SYN3: variants seen among roughly 807,000 people sequenced by gnomAD.
SYN3 encodes synapsin III.
SYN3 carries 35 observed loss-of-function variants against 65.8 expected under a neutral mutation model. That is an observed-to-expected ratio of 0.53 (90% CI 0.41 to 0.70). The LOEUF is 0.70. Ranked by LOEUF, SYN3 falls within the 30% of genes least tolerant of loss-of-function variation. The pLI is 0.00. For synonymous variants in SYN3, 270 were observed against 292.9 expected (o/e 0.92, Z 0.80); for missense variants, 680 against 749.0 (o/e 0.91, Z 1.08).
At chr22:32,991,260 C>G (rs953974429) in intron 2 of SYN3, among the ~76,000 whole-genome samples, 2 of 151,232 alleles carry the variant, frequency 1.3e-5, no homozygotes, top group African/African-American at 4.9e-5. Context: ...ATAGCTTGAA[C>G]TCGGGAGGCG....
intron 12 of SYN3, among the ~76,000 whole-genome samples, chr22:32,523,314 C>T (rs1326894894): frequency 6.6e-6 from 1 of 152,142 alleles, no homozygotes; most frequent in Non-Finnish European, 1.5e-5. Flanking sequence ...AGATCGAGAC[C>T]ATCATGGCCA....
Position 32,652,250 on chromosome 22 carries a change from T to A in SYN3, c.712-55514A>T, listed in dbSNP as rs116904707. On this transcript the variant is annotated intron_variant, in intron 6 of 13. Transcript: ENST00000358763. ...TCAATTTAGAACAGCCGGCCAGATT[T>A]CACCATGGCCCAGGAACAGAACTCG... is the stretch of plus-strand genomic sequence containing the variant. Among the ~76,000 whole-genome samples the A allele has an allele frequency of 2.1e-3, 316 of 152,256 alleles. 5 individuals are homozygous for A. The East Asian group carries it at 0.037, about 18-fold the overall frequency.
At chr22:32,794,564 T>G (rs928567602) in intron 6 of SYN3, among the ~76,000 whole-genome samples, 1 of 152,216 alleles carries the variant, frequency 6.6e-6, no homozygotes, top group African/African-American at 2.4e-5. Context: ...CTTTAATATT[T>G]GTTCAATGTC....
intron 6 of SYN3, among the ~76,000 whole-genome samples, chr22:32,687,367 T>C (rs2060605243): frequency 1.3e-5 from 2 of 151,506 alleles, no homozygotes. Context: ...TTTCACCATG[T>C]TCGCCAGGCT....
intron 7 of SYN3, among the ~76,000 whole-genome samples, chr22:32,578,557 T>C (rs936119895): frequency 6.6e-6 from 1 of 152,204 alleles, no homozygotes; most frequent in African/African-American, 2.4e-5. Context: ...GTCAAGCCAA[T>C]ATTTTTCAAA....
chr22:33,001,154 C>T (rs1270514099), intron 2 of SYN3, among the ~76,000 whole-genome samples: 2 of 152,124 alleles, frequency 1.3e-5, no homozygotes, highest in East Asian at 1.9e-4. Context: ...CCCTTTTTCA[C>T]CCACTGAGGG....
Position 32,994,147 on chromosome 22 carries a change from G to A in SYN3, c.311+12205C>T, listed in dbSNP as rs150509013. On this transcript the variant is annotated intron_variant, in intron 2 of 13. Coordinates refer to ENST00000358763, the MANE Select transcript of SYN3 (RefSeq NM_003490.4). The stretch of plus-strand genomic sequence containing the variant: ...AAAAATTCCTCAAGTCAAAGGGCTC[G>A]GGGCTTGGGTGCCGCACAAGGCCCT... 1.4e-3 allele frequency among the ~76,000 whole-genome samples: 219 copies of A among 152,238 alleles called. 2 individuals carry two copies. Among genetic ancestry groups the A allele is most frequent in the African/African-American group, 5.1e-3 (211 of 41,542 alleles).
At chr22:32,528,255 C>T (rs1468704499) in intron 11 of SYN3, among the ~76,000 whole-genome samples, 1 of 152,116 alleles carries the variant, frequency 6.6e-6, no homozygotes, top group Non-Finnish European at 1.5e-5. Flanking sequence ...CCAGCAGCCC[C>T]GTCAGTATAA....
intron 3 of SYN3, among the ~76,000 whole-genome samples, chr22:32,946,430 A>G (rs2051113462): frequency 6.6e-6 from 1 of 152,084 alleles, no homozygotes; most frequent in Non-Finnish European, 1.5e-5. Context: ...TTCTCAGCAA[A>G]CTATCACAAG....
chr22:32,797,257 C>CA (rs1245893892), intron 6 of SYN3, among the ~76,000 whole-genome samples: 5 of 152,324 alleles, frequency 3.3e-5, no homozygotes, highest in Admixed American at 2.6e-4. Context: ...GTCGGTGGTG[C>CA]TGATCATTGG....
intron 7 of SYN3, among the ~76,000 whole-genome samples, chr22:32,576,931 C>T (rs1376943168): frequency 2.0e-5 from 3 of 151,976 alleles, no homozygotes; most frequent in Non-Finnish European, 2.9e-5. Flanking sequence ...AAGATAAAGC[C>T]TGTATTCTAG....
intron 4 of SYN3, among the ~76,000 whole-genome samples, chr22:32,888,287 A>G (rs2146457983): frequency 6.6e-6 from 1 of 152,338 alleles, no homozygotes; most frequent in Non-Finnish European, 1.5e-5. Context: ...ATAAAGTTAT[A>G]TGATTCCATA....
chr22:32,536,981 G>A (rs970288952), intron 9 of SYN3, among the ~76,000 whole-genome samples: 42 of 152,260 alleles, frequency 2.8e-4, no homozygotes, highest in Non-Finnish European at 3.1e-4. Context: ...TTAGCGCTCA[G>A]CACAACATGG....
intron 6 of SYN3, among the ~76,000 whole-genome samples, chr22:32,857,740 G>C (rs1404631409): frequency 1.3e-5 from 2 of 152,208 alleles, no homozygotes; most frequent in African/African-American, 4.8e-5. Flanking sequence ...TCATTATAAA[G>C]GGAGTGAAGA....
intron 1 of SYN3, chr22:33,015,358 C>A: frequency 1.8e-6 from 1 of 542,664 alleles, no homozygotes. Context: ...AAAGAACTTA[C>A]TGTACAGGGC....
chr22:32,769,307 A>T (rs2081657508), intron 6 of SYN3, among the ~76,000 whole-genome samples: 1 of 151,342 alleles, frequency 6.6e-6, no homozygotes, highest in African/African-American at 2.4e-5. Context: ...GTCATCAATG[A>T]CCTCCATGTT....
chr22:32,863,207 G>A (rs914077890), intron 6 of SYN3, among the ~76,000 whole-genome samples: 6 of 152,174 alleles, frequency 3.9e-5, no homozygotes, highest in African/African-American at 1.4e-4. Context: ...CTTGCAGAAG[G>A]AATCTTAGGA....
chr22:32,926,768 C>T (rs968524918), intron 4 of SYN3, among the ~76,000 whole-genome samples: 1 of 152,190 alleles, frequency 6.6e-6, no homozygotes, highest in Admixed American at 6.5e-5. Context: ...GGTATACATA[C>T]ACTGGTGACA....
chr22:32,953,573 G>C (rs1277158808), intron 3 of SYN3, among the ~76,000 whole-genome samples: 3 of 152,008 alleles, frequency 2.0e-5, no homozygotes, highest in Non-Finnish European at 4.4e-5. Flanking sequence ...CAGGTGCAAA[G>C]ACCCTGAGGC....
Sources: allele counts gnomAD v4.1 joint callset (sites outside exome capture counted in the v4.1 genomes callset), GRCh38; gene constraint gnomAD v4.1.1; transcripts MANE v1.5; gene names NCBI Gene and HGNC (gene_info 2026-07-23, HGNC 2026-07-21).